The following KAZN variants were observed in gnomAD, a reference collection of about 807,000 sequenced individuals.
KAZN encodes kazrin.
A neutral mutation model predicts 87.4 loss-of-function variants in KAZN; 40 were observed. That is an observed-to-expected ratio of 0.46 (90% CI 0.36 to 0.60). The LOEUF (loss-of-function observed/expected upper bound fraction) is 0.60, where lower values mean the gene tolerates loss of function less well. Among genes scored for constraint, KAZN ranks in the 20% least tolerant of loss-of-function variants. The pLI, the probability that KAZN is intolerant of heterozygous loss-of-function variation, is 0.00. For missense variants in KAZN, 898 were observed against 1,073.9 expected (o/e 0.84, Z 2.29); for synonymous variants, 466 against 458.3 (o/e 1.02, Z -0.22).
At chr1:14,877,428 G>A (rs1217435529) in intron 1 of KAZN, among the ~76,000 whole-genome samples, 1 of 152,210 alleles carries the variant, frequency 6.6e-6, no homozygotes, top group African/African-American at 2.4e-5. Context: ...TGATAGACAT[G>A]CATCATGGGC....
chr1:14,869,603 G>A (rs1210151850), intron 1 of KAZN, among the ~76,000 whole-genome samples: 1 of 152,216 alleles, frequency 6.6e-6, no homozygotes, highest in Non-Finnish European at 1.5e-5. Flanking sequence ...AATTGAAAGG[G>A]TCTTCTCCTC....
At chr1:14,604,223 A>G (rs1677188850) in intron 1 of KAZN, among the ~76,000 whole-genome samples, 1 of 152,216 alleles carries the variant, frequency 6.6e-6, no homozygotes, top group African/African-American at 2.4e-5. Context: ...CAGTCATTGC[A>G]CTGCCTTGGT....
At chr1:14,505,799 C>A (rs1670553086) in intron 2 of KAZN, among the ~76,000 whole-genome samples, 1 of 152,084 alleles carries the variant, frequency 6.6e-6, no homozygotes, top group Admixed American at 6.5e-5. Flanking sequence ...CAGGGTGAAA[C>A]CCTGTCTCTA....
chr1:14,205,272 G>T (rs1285053934), intron 2 of KAZN, among the ~76,000 whole-genome samples: 1 of 152,206 alleles, frequency 6.6e-6, no homozygotes, highest in African/African-American at 2.4e-5. Flanking sequence ...TTAGTAGTCA[G>T]CTCACCTAGT....
chr1:14,414,318 AT>A (rs1221144784), intron 2 of KAZN, among the ~76,000 whole-genome samples: 1 of 146,246 alleles, frequency 6.8e-6, no homozygotes, highest in Non-Finnish European at 1.5e-5. Flanking sequence ...GCCAAAGAGT[AT>A]TTACTGCAGC....
intron 2 of KAZN, among the ~76,000 whole-genome samples, chr1:14,433,322 T>C (rs1009577586): frequency 2.0e-5 from 3 of 152,228 alleles, no homozygotes; most frequent in African/African-American, 7.2e-5. Flanking sequence ...GTTCTAGAAA[T>C]GCATTTAAAA....
At chr1:14,078,090 G>T (rs374109081) in intron 1 of KAZN, among the ~76,000 whole-genome samples, 1 of 152,168 alleles carries the variant, frequency 6.6e-6, no homozygotes, top group Non-Finnish European at 1.5e-5. Flanking sequence ...ACACATGATC[G>T]TTAAGGGGTT....
intron 1 of KAZN, among the ~76,000 whole-genome samples, chr1:14,116,896 G>A (rs1050268658): frequency 1.3e-5 from 2 of 152,172 alleles, no homozygotes; most frequent in Non-Finnish European, 2.9e-5. Context: ...AGATCATTTT[G>A]GAATTATCAG....
chr1:14,118,790 G>T (rs1002924341), intron 1 of KAZN, among the ~76,000 whole-genome samples: 4 of 152,186 alleles, frequency 2.6e-5, no homozygotes, highest in African/African-American at 9.7e-5. Context: ...GATCATGGTG[G>T]ATTGCAACAC....
At chr1:14,959,185 G>A (rs1465812254) in intron 1 of KAZN, among the ~76,000 whole-genome samples, 6 of 152,258 alleles carry the variant, frequency 3.9e-5, no homozygotes, top group Admixed American at 1.3e-4. Context: ...ACCCCCACCC[G>A]CCCCTAGAGC....
At chr1:14,102,580 C>T (rs1644281554) in intron 1 of KAZN, among the ~76,000 whole-genome samples, 1 of 152,224 alleles carries the variant, frequency 6.6e-6, no homozygotes, top group South Asian at 2.1e-4. Flanking sequence ...GCAGCCCCTC[C>T]TGGTGGCATT....
In KAZN at chr1:13,896,368, C is replaced by T. The variant is rs577429231; in HGVS notation, c.91+2612C>T. ...GCAGTGGCATGATCATAGCTCACTG[C>T]AGCCTTGACCTCCTAGGCTCAAGCG... On this transcript the variant is annotated intron_variant, in intron 1 of 16. Transcript: ENST00000636203. Among the ~76,000 whole-genome samples the T allele has an allele frequency of 5.9e-4, 90 of 152,302 alleles. 1 individual carries two copies. Among genetic ancestry groups the T allele is most frequent in the Admixed American group, 3.5e-3 (54 of 15,306 alleles).
chr1:14,993,477 A>T (rs1171091755), intron 2 of KAZN, among the ~76,000 whole-genome samples: 1 of 151,960 alleles, frequency 6.6e-6, no homozygotes, highest in Non-Finnish European at 1.5e-5. Flanking sequence ...CTCAAAAAAA[A>T]AAATAATCAT....
At chr1:15,037,491 G>A (rs1393893689) in intron 3 of KAZN, among the ~76,000 whole-genome samples, 1 of 152,200 alleles carries the variant, frequency 6.6e-6, no homozygotes, top group East Asian at 1.9e-4. Flanking sequence ...TGTAAAGCAG[G>A]ATGAAGATTG....
intron 2 of KAZN, among the ~76,000 whole-genome samples, chr1:14,542,532 G>A (rs1487132961): frequency 6.6e-6 from 1 of 152,092 alleles, no homozygotes; most frequent in African/African-American, 2.4e-5. Flanking sequence ...AAACATAGAT[G>A]AAGCTATTTT....
chr1:14,523,005 C>G (rs1296576065), intron 2 of KAZN, among the ~76,000 whole-genome samples: 1 of 152,184 alleles, frequency 6.6e-6, no homozygotes, highest in Non-Finnish European at 1.5e-5. Context: ...CCCCAACTCC[C>G]CAGCATGTAC....
intron 2 of KAZN, among the ~76,000 whole-genome samples, chr1:14,463,579 T>C (rs12116420): frequency 0.11 from 17,360 of 152,212 alleles, 1,121 homozygotes; most frequent in Middle Eastern, 0.21. Context: ...GTCCTTAGAA[T>C]TGGCAGCCTG....
In KAZN at chr1:14,996,238, G is replaced by A. The variant is rs1423984306; in HGVS notation, c.418+35363G>A. Among the ~76,000 whole-genome samples, 1 of 152,194 alleles carries A rather than the reference G, an allele frequency of 6.6e-6. No individual in the cohort carries two copies. The highest frequency in any genetic ancestry group is 2.4e-5 in the African/African-American group (1 of 41,526). On this transcript the variant is annotated intron_variant, in intron 2 of 14. Transcript: ENST00000376030. The surrounding 1 kb of genome is among the most constrained non-coding windows in gnomAD (Gnocchi z 5.9). ...CATCTTGAACAGGGGTCACTGGGTC[G>A]GCCTTTCTCTTTCTTGTTCCCGTGT...
At chr1:14,527,843 A>G (rs1302195719) in intron 2 of KAZN, among the ~76,000 whole-genome samples, 2 of 152,120 alleles carry the variant, frequency 1.3e-5, no homozygotes, top group African/African-American at 4.8e-5. Context: ...ATCTGCCCCC[A>G]TGACCCAAAT....
Sources: gnomAD v4.1 joint callset for allele counts (sites outside exome capture counted in the v4.1 genomes callset) on GRCh38, gnomAD v4.1.1 for gene constraint, Gnocchi (gnomAD v3.1) non-coding constraint, MANE v1.5 for transcripts, NCBI Gene and HGNC (gene_info 2026-07-23, HGNC 2026-07-21) for gene names.